The following LINGO1 variants were observed in gnomAD, a reference collection of about 807,000 sequenced individuals.
LINGO1 encodes leucine-rich repeat and immunoglobulin-like domain-containing nogo receptor-interacting protein 1.
Under a neutral mutation model 37.3 loss-of-function variants are expected in LINGO1, and 11 were observed. The ratio of observed to expected loss-of-function variants is 0.29; its 90% CI spans 0.19 to 0.49. The LOEUF (loss-of-function observed/expected upper bound fraction) is 0.49, where lower values mean the gene tolerates loss of function less well. Ranked by LOEUF, LINGO1 falls within the 20% of genes least tolerant of loss-of-function variation. The pLI, the probability that LINGO1 is intolerant of heterozygous loss-of-function variation, is 0.99. For missense variants in LINGO1, 585 were observed against 878.2 expected (o/e 0.67, Z 4.22); for synonymous variants, 387 against 403.0 (o/e 0.96, Z 0.48).
chr15:77,686,853 G>A (rs562565781), intron 2 of LINGO1, among the ~76,000 whole-genome samples: 3 of 152,144 alleles, frequency 2.0e-5, no homozygotes, highest in Non-Finnish European at 4.4e-5. Flanking sequence ...ATCACTTGGT[G>A]CTCTCATCAC....
At chr15:77,647,305 C>T (rs1262263247) in intron 3 of LINGO1, among the ~76,000 whole-genome samples, 2 of 151,678 alleles carry the variant, frequency 1.3e-5, no homozygotes, top group African/African-American at 4.9e-5. Context: ...GGTCAGTCTG[C>T]CAGAGCACAG....
chr15:77,705,639 G>C (rs1383291326), intron 2 of LINGO1, among the ~76,000 whole-genome samples: 2 of 152,234 alleles, frequency 1.3e-5, no homozygotes, highest in African/African-American at 4.8e-5. Context: ...CCTGTCCTGG[G>C]CACTGCCACG....
At chr15:77,763,836 C>A (rs936206678) in intron 1 of LINGO1, among the ~76,000 whole-genome samples, 4 of 152,140 alleles carry the variant, frequency 2.6e-5, no homozygotes, top group African/African-American at 9.7e-5. Context: ...CCAGGCAGCA[C>A]AAACACCCCA....
upstream of LINGO1, among the ~76,000 whole-genome samples, chr15:77,790,932 T>C (rs990810142): frequency 6.6e-6 from 1 of 152,214 alleles, no homozygotes; most frequent in African/African-American, 2.4e-5. Flanking sequence ...GGGATACCTA[T>C]ACTCCCTCAT....
chr15:77,680,606 G>A (rs2075398214), intron 2 of LINGO1, among the ~76,000 whole-genome samples: 1 of 152,148 alleles, frequency 6.6e-6, no homozygotes, highest in Non-Finnish European at 1.5e-5. Flanking sequence ...TTCCCCACAT[G>A]CAGAAGGGAG....
chr15:77,729,658 G>T (rs2076136056), intron 2 of LINGO1, among the ~76,000 whole-genome samples: 1 of 152,218 alleles, frequency 6.6e-6, no homozygotes, highest in South Asian at 2.1e-4. Context: ...GCCGTGGGCT[G>T]CAGAGATGTT....
intron 3 of LINGO1, among the ~76,000 whole-genome samples, chr15:77,655,743 T>G (rs1388049163): frequency 6.6e-6 from 1 of 152,196 alleles, no homozygotes; most frequent in Admixed American, 6.5e-5. Flanking sequence ...CAGGTCTGTC[T>G]ACCCCAAGCC....
chr15:77,810,219 CACAA>C (rs1169937999), intron 1 of LINGO1, among the ~76,000 whole-genome samples: 1 of 146,824 alleles, frequency 6.8e-6, no homozygotes, highest in Non-Finnish European at 1.5e-5. Context: ...TAGGCACACA[CACAA>C]ACATACACAC....
chr15:77,614,841 G>A lies in LINGO1; in HGVS notation c.1066C>T (p.His356Tyr). Residue 356 changes from histidine (H) to tyrosine (Y), a missense_variant, in exon 2 of 2, where the codon CAC (histidine) becomes TAC (tyrosine). This residue lies in a region of LINGO1 where 484 missense variants were observed against 735.0 expected (regional missense o/e 0.66). Coordinates refer to ENST00000355300, the MANE Select transcript of LINGO1 (RefSeq NM_032808.7). ...AGTGTCTCCAGGTTGCCCACCGAGTGGAAGACTGATTCCTCCAGTGTGGTC... is the reference window on the plus strand; with the variant it reads ...AGTGTCTCCAGGTTGCCCACCGAGTAGAAGACTGATTCCTCCAGTGTGGTC... ...QLTTLEESVFHSVGNLETLIL... is the reference protein window; with the variant it reads ...QLTTLEESVFYSVGNLETLIL... The A allele has an allele frequency of 6.2e-7, 1 of 1,613,390 alleles. No individual in the cohort carries two copies.
rs28431290 is a variant in LINGO1 at position 77,720,069 on chromosome 15, C to T, written c.-195+14923G>A. Among the ~76,000 whole-genome samples, 1,241 of 150,204 alleles carry T rather than the reference C, an allele frequency of 8.3e-3. 31 individuals are homozygous for T. Among genetic ancestry groups the T allele is most frequent in the African/African-American group, 0.028 (1,174 of 41,364 alleles). ...CCTCACCACCCCTCCTGCTGACTTG[C>T]ATCCACCTCTTCTAGCACACACACC... On this transcript the variant is annotated intron_variant, in intron 2 of 3. Coordinates refer to the LINGO1 transcript ENST00000561686.
At chr15:77,811,728 T>C (rs983659476) in intron 1 of LINGO1, among the ~76,000 whole-genome samples, 1 of 152,218 alleles carries the variant, frequency 6.6e-6, no homozygotes, top group African/African-American at 2.4e-5. Context: ...CACTTAAGAT[T>C]AGGCAGAAAT....
At chr15:77,766,297 CA>C (rs71447163) in intron 1 of LINGO1, among the ~76,000 whole-genome samples, 2,846 of 49,066 alleles carry the variant, frequency 0.058, 15 homozygotes, top group Middle Eastern at 0.081. Flanking sequence ...GACCCTGTCT[CA>C]AAAAAAAAAA....
rs759222486 is a variant in LINGO1 at position 77,614,397 on chromosome 15, C to T, written c.1510G>A (p.Gly504Ser). ...TYLCIAANAG[G>S]NDSMPAHLHV... The stretch of plus-strand genomic sequence containing the variant: ...AGGTGGGCGGGCATGGAGTCGTTGC[C>T]GCCCGCGTTGGCCGCGATGCACAGG... Residue 504 changes from glycine (G) to serine (S), a missense_variant, in exon 2 of 2, where the codon GGC becomes AGC. By Grantham distance (56) the Gly-to-Ser change is moderately conservative (BLOSUM62 0). Coordinates refer to ENST00000355300, the MANE Select transcript of LINGO1 (RefSeq NM_032808.7). 2.5e-6 allele frequency: 4 copies of T among 1,613,236 alleles called. No individual in the cohort carries two copies. Among genetic ancestry groups the T allele is most frequent in the Non-Finnish European group, 3.4e-6 (4 of 1,179,786 alleles).
rs533926615 is a variant in LINGO1 at position 77,620,928 on chromosome 15, T to C, written c.7-5028A>G. 2.6e-5 allele frequency among the ~76,000 whole-genome samples: 4 copies of C among 152,226 alleles called. No individual in the cohort carries two copies. In the East Asian group the frequency reaches 5.8e-4, roughly 22 times the overall value. On this transcript the variant is annotated intron_variant, in intron 1 of 1. Coordinates refer to ENST00000355300, the MANE Select transcript of LINGO1 (RefSeq NM_032808.7). Reference sequence around the variant, plus strand: ...GTCACTCTGTGCCATAGGCAGCATCTGGAGGTCCAGGGGGGCAGGGACGTG... The same window carrying C: ...GTCACTCTGTGCCATAGGCAGCATCCGGAGGTCCAGGGGGGCAGGGACGTG...
intron 1 of LINGO1, among the ~76,000 whole-genome samples, chr15:77,692,471 C>T (rs777525357): frequency 7.9e-5 from 12 of 151,990 alleles, no homozygotes; most frequent in African/African-American, 2.4e-4. Context: ...GGCAATTGAA[C>T]GGAAAAAGTT....
chr15:77,741,339 G>A (rs1410871324), intron 1 of LINGO1, among the ~76,000 whole-genome samples: 1 of 152,184 alleles, frequency 6.6e-6, no homozygotes, highest in African/African-American at 2.4e-5. Flanking sequence ...ACATTACACT[G>A]TCCTGAGAGG....
At chr15:77,663,673 G>T (rs2075048210) in intron 3 of LINGO1, among the ~76,000 whole-genome samples, 3 of 152,214 alleles carry the variant, frequency 2.0e-5, no homozygotes, top group Admixed American at 2.0e-4. Flanking sequence ...CTCAGTGTTT[G>T]GGTGTTCTCT....
chr15:77,694,421 C>G (rs1468148783), intron 1 of LINGO1, among the ~76,000 whole-genome samples: 9 of 152,088 alleles, frequency 5.9e-5, no homozygotes, highest in Admixed American at 2.6e-4. Flanking sequence ...GCCTCACACC[C>G]TCTGTGGCCT....
chr15:77,747,668 G>A (rs1174819437), intron 1 of LINGO1, among the ~76,000 whole-genome samples: 1 of 152,212 alleles, frequency 6.6e-6, no homozygotes, highest in African/African-American at 2.4e-5. Context: ...GGGAGTGGAA[G>A]AAGGGCCAGA....
Sources: allele counts gnomAD v4.1 joint callset (sites outside exome capture counted in the v4.1 genomes callset), GRCh38; gene constraint gnomAD v4.1.1; regional missense constraint gnomAD v4.1.1; transcripts MANE v1.5; gene names NCBI Gene and HGNC (gene_info 2026-07-23, HGNC 2026-07-21).